Variants in ZNF107 observed in about 807,000 individuals in gnomAD.
The protein encoded by ZNF107 is C2H2 type zinc-finger protein.
Under a neutral mutation model 12.3 loss-of-function variants are expected in ZNF107, and 19 were observed. That is an observed-to-expected ratio of 1.55 (90% CI 1.08 to 2.27). The LOEUF is 2.27. Ranked by LOEUF, ZNF107 falls within the 30% of genes most tolerant of loss-of-function variation. The pLI is 0.00. For synonymous variants in ZNF107, 317 were observed against 330.5 expected, an observed-to-expected ratio of 0.96 and a Z score of 0.44; for missense variants, 958 against 979.9, an observed-to-expected ratio of 0.98 and a Z score of 0.30.
At chr7:64,677,039 A>G (rs1300696043) in intron 1 of ZNF107, among the ~76,000 whole-genome samples, 1 of 152,132 alleles carries the variant, frequency 6.6e-6, no homozygotes, top group Non-Finnish European at 1.5e-5. Flanking sequence ...TTTCCTTTTA[A>G]ATATGAAGTC....
chr7:64,669,951 A>G (rs2128955456), intron 1 of ZNF107, among the ~76,000 whole-genome samples: 1 of 152,292 alleles, frequency 6.6e-6, no homozygotes, highest in East Asian at 1.9e-4. Flanking sequence ...TGCAAAGGGA[A>G]GGGAGGTTAT....
chr7:64,703,491 A>G (rs1284785404), intron 3 of ZNF107, among the ~76,000 whole-genome samples: 1 of 152,180 alleles, frequency 6.6e-6, no homozygotes, highest in Non-Finnish European at 1.5e-5. Context: ...GTGCAGTGGT[A>G]TGATCTCAGC....
rs1006536081 is a variant in ZNF107 at position 64,710,914 on chromosome 7, T to C, written c.*2258T>C. 11 of 152,190 alleles carry C rather than the reference T, an allele frequency of 7.2e-5. No individual in the cohort carries two copies. Among genetic ancestry groups the C allele is most frequent in the African/African-American group, 2.7e-4 (11 of 41,476 alleles). The allele number at this position is 152,190 out of a possible 1,614,324, so 9.4% of individuals were successfully genotyped here. ...GTAGGTTTTCAGAGCAATATTCTTC[T>C]GCATTATAGTAAGAGAAAACCATTT... On this transcript the variant is annotated 3_prime_UTR_variant, in exon 4 of 4. Transcript: ENST00000620827.
intron 3 of ZNF107, among the ~76,000 whole-genome samples, chr7:64,694,562 T>C (rs1562837964): frequency 6.6e-6 from 1 of 152,112 alleles, no homozygotes; most frequent in Non-Finnish European, 1.5e-5. Flanking sequence ...AGATGGGTTC[T>C]TGCTTTATAA....
At chr7:64,687,574 C>G in intron 1 of ZNF107, 1 of 985,016 alleles carries the variant, frequency 1.0e-6, no homozygotes, top group Non-Finnish European at 1.2e-6. Context: ...CTTTAAGTTG[C>G]AAAATTACCT....
In ZNF107 at chr7:64,666,427, GC is replaced by G. The variant is rs767631330; in HGVS notation, c.3+146del. 351 of 1,181,894 alleles carry G rather than the reference GC, an allele frequency of 3.0e-4. 2 individuals carry two copies. The highest frequency in any genetic ancestry group is 4.0e-4 in the Admixed American group (18 of 44,916). The allele number at this position is 1,181,894 out of a possible 1,614,324, so 73.2% of individuals were successfully genotyped here. A position where few individuals can be genotyped will look rare whatever the true frequency, so the allele number is the denominator to read the frequency against. On this transcript the variant is annotated intron_variant, in intron 1 of 3. Transcript: ENST00000620827. ...GCAGCTCGGCCCTCAGTCCCCCGCGGCCCCGAGTTCTCCTTGGCGCAGCTCG... is the reference window on the plus strand; with the variant it reads ...GCAGCTCGGCCCTCAGTCCCCCGCGGCCCGAGTTCTCCTTGGCGCAGCTCG...
rs1470479808 is a variant in ZNF107, at chr7:64,710,621, T to C, written c.*1965T>C. 1 of 146,168 alleles carries C rather than the reference T, an allele frequency of 6.8e-6. No individual in the cohort carries two copies. The highest frequency in any genetic ancestry group is 1.5e-5 in the Non-Finnish European group (1 of 66,736). 9.1% of individuals were successfully genotyped at this position (146,168 alleles called of 1,614,324 possible). On this transcript the variant is annotated 3_prime_UTR_variant, in exon 4 of 4. Coordinates refer to ENST00000620827, the MANE Select transcript of ZNF107 (RefSeq NM_001282359.2). ...TTGTAGATGTATAATTACATTCAAA[T>C]TATATTTTTTCTTGAAAAATTAGTT...
intron 1 of ZNF107, among the ~76,000 whole-genome samples, chr7:64,673,245 T>A (rs1361885733): frequency 6.6e-6 from 1 of 152,202 alleles, no homozygotes; most frequent in Non-Finnish European, 1.5e-5. Context: ...GGTTTCACCA[T>A]CTTGGTCAGG....
rs1790819309 is a variant in ZNF107 at position 64,709,675 on chromosome 7, A to C, written c.*1019A>C. 1 of 454,662 alleles carries C rather than the reference A, an allele frequency of 2.2e-6. No individual in the cohort carries two copies. The highest frequency in any genetic ancestry group is 1.6e-5 in the South Asian group (1 of 64,010). 28.2% of individuals were successfully genotyped at this position (454,662 alleles called of 1,614,324 possible). On this transcript the variant is annotated 3_prime_UTR_variant, in exon 4 of 4. Coordinates refer to ENST00000620827, the MANE Select transcript of ZNF107 (RefSeq NM_001282359.2). ...CTCACCCCTTATTGCACAGGAAAGC[A>C]TTTATACTTCAGAAAGATTGTACAA...
chr7:64,700,571 G>A (rs1200912716), intron 3 of ZNF107, among the ~76,000 whole-genome samples: 2 of 128,334 alleles, frequency 1.6e-5, no homozygotes, highest in African/African-American at 5.9e-5. Flanking sequence ...AGGCTGTGGA[G>A]TGCAGTGGCA....
intron 3 of ZNF107, among the ~76,000 whole-genome samples, chr7:64,698,078 CTT>C (rs1790355462): frequency 6.6e-6 from 1 of 151,898 alleles, no homozygotes; most frequent in South Asian, 2.1e-4. Context: ...GATTTGGTGT[CTT>C]TAAAAAATTG....
At chr7:64,704,285 C>T (rs1047929990) in intron 3 of ZNF107, among the ~76,000 whole-genome samples, 8 of 152,162 alleles carry the variant, frequency 5.3e-5, no homozygotes, top group African/African-American at 1.9e-4. Flanking sequence ...CTCACTCTGT[C>T]GCCAGGCTAG....
Position 64,707,980 on chromosome 7 carries a change from A to G in ZNF107, c.1883A>G (p.Lys628Arg), listed in dbSNP as rs1183825949. ...EKPYKCEEHG[K>R]VFNQSSNLTT... ...CCCTACAAATGTGAAGAACATGGCA[A>G]AGTTTTTAACCAGTCCTCAAACCTT... The change falls in exon 4 of 4, where the codon AAA (lysine) becomes AGA (arginine). Residue 628 changes from lysine (K) to arginine (R), a missense_variant. Physicochemically the swap from Lys to Arg is conservative, Grantham distance 26. Coordinates refer to ENST00000620827, the MANE Select transcript of ZNF107 (RefSeq NM_001282359.2). 1.2e-6 allele frequency: 2 copies of G among 1,613,370 alleles called. No individual in the cohort carries two copies. Among genetic ancestry groups the G allele is most frequent in the African/African-American group, 1.3e-5 (1 of 74,866 alleles).
rs1278941813 is a variant in ZNF107, at chr7:64,709,540, AAAAATATCACAAAGCCTTT to A, written c.*888_*906del. 4 of 371,192 alleles carry A rather than the reference AAAAATATCACAAAGCCTTT, an allele frequency of 1.1e-5. No homozygotes were observed. In the Admixed American group the frequency reaches 1.3e-4, roughly 12 times the overall value. 23.0% of individuals were successfully genotyped at this position (371,192 alleles called of 1,614,324 possible). On this transcript the variant is annotated 3_prime_UTR_variant, in exon 4 of 4. Transcript: ENST00000620827. ...ACTGGTGAAAAATCCTAGAAATGTG[AAAAATATCACAAAGCCTTT>A]AAATGGTTGTCACACTTGATTGTAG...
chr7:64,673,871 T>C (rs1207745140), intron 1 of ZNF107, among the ~76,000 whole-genome samples: 1 of 152,240 alleles, frequency 6.6e-6, no homozygotes, highest in Non-Finnish European at 1.5e-5. Context: ...GAAGACCAAA[T>C]GGCTGTAGGT....
rs778005102 is a variant in ZNF107 at position 64,707,707 on chromosome 7, A to G, written c.1610A>G (p.Tyr537Cys). The G allele has an allele frequency of 3.1e-6, 5 of 1,613,066 alleles. No individual in the cohort carries two copies. The South Asian group carries it at 3.3e-5, about 11-fold the overall frequency. ...AAAATTCATACTGGAGAGAAACCCT[A>G]TAAATGTGAGGAATGTGGCAAAGCT... The part of the protein sequence containing the change: ...HKKIHTGEKP[Y>C]KCEECGKAFN... Residue 537 changes from tyrosine (Y) to cysteine (C), a missense_variant, in exon 4 of 4, where the codon TAT becomes TGT. By Grantham distance (194) the Tyr-to-Cys change is radical. Coordinates refer to ENST00000620827, the MANE Select transcript of ZNF107 (RefSeq NM_001282359.2).
intron 3 of ZNF107, among the ~76,000 whole-genome samples, chr7:64,692,576 T>C (rs1584481197): frequency 6.6e-6 from 1 of 152,172 alleles, no homozygotes; most frequent in East Asian, 1.9e-4. Context: ...GGAATTTCAA[T>C]AGGGAGTTTA....
In ZNF107 at chr7:64,707,119, A is replaced by G; in HGVS notation, c.1022A>G (p.Tyr341Cys). The G allele has an allele frequency of 2.5e-6, 4 of 1,613,310 alleles. No individual in the cohort carries two copies. Among genetic ancestry groups the G allele is most frequent in the Non-Finnish European group, 3.4e-6 (4 of 1,179,722 alleles). ...AGAATTCATGCTGGGGAGAAACCCT[A>G]CAAATGTAAAGAATGTGGCAGAGCT... ...HKRIHAGEKPYKCKECGRAFN... is the reference protein window; with the variant it reads ...HKRIHAGEKPCKCKECGRAFN... Residue 341 changes from tyrosine (Y) to cysteine (C), a missense_variant, in exon 4 of 4, where the codon TAC (tyrosine) becomes TGC (cysteine). Transcript: ENST00000620827.
intron 1 of ZNF107, among the ~76,000 whole-genome samples, chr7:64,668,087 G>A (rs1789073634): frequency 6.6e-6 from 1 of 152,064 alleles, no homozygotes; most frequent in Non-Finnish European, 1.5e-5. Flanking sequence ...AAATGAGCAG[G>A]ATGGGGTAGG....
Sources: allele counts gnomAD v4.1 joint callset (sites outside exome capture counted in the v4.1 genomes callset), GRCh38; gene constraint gnomAD v4.1.1; transcripts MANE v1.5; gene names NCBI Gene and HGNC (gene_info 2026-07-23, HGNC 2026-07-21).